GRIK2: variants seen among roughly 807,000 people sequenced by gnomAD.
GRIK2 encodes the protein glutamate receptor ionotropic, kainate 2.
GRIK2 carries 32 observed loss-of-function variants against 100.3 expected under a neutral mutation model. That is an observed-to-expected ratio of 0.32 (90% confidence interval 0.24 to 0.43). The LOEUF (loss-of-function observed/expected upper bound fraction) is 0.43. Among genes scored for constraint, GRIK2 ranks in the 20% least tolerant of loss-of-function variants. The probability of loss-of-function intolerance (pLI) is 1.00; values close to 1 mark genes in which losing one functional copy is unlikely to be tolerated. For synonymous variants in GRIK2, 417 were observed against 389.4 expected (o/e 1.07, Z -0.83); for missense variants, 843 against 1,114.9 (o/e 0.76, Z 3.47).
intron 2 of GRIK2, among the ~76,000 whole-genome samples, chr6:101,460,894 T>C (rs1481264915): frequency 2.0e-5 from 3 of 152,182 alleles, no homozygotes; most frequent in Non-Finnish European, 2.9e-5. Context: ...ATTGACTCCT[T>C]ATAATGAAAT....
intron 12 of GRIK2, among the ~76,000 whole-genome samples, chr6:101,920,173 GA>G (rs1379243162): frequency 6.6e-6 from 1 of 151,876 alleles, no homozygotes; most frequent in Non-Finnish European, 1.5e-5. Context: ...ATGGAGAAAA[GA>G]AAGATATACT....
chr6:101,821,025 T>C (rs1332526095), intron 10 of GRIK2, among the ~76,000 whole-genome samples: 1 of 152,190 alleles, frequency 6.6e-6, no homozygotes, highest in African/African-American at 2.4e-5. Context: ...GTGCCTTGGG[T>C]ATAGCAAGAG....
chr6:101,820,556 C>T (rs536502752), intron 10 of GRIK2, among the ~76,000 whole-genome samples: 1 of 152,286 alleles, frequency 6.6e-6, no homozygotes, highest in African/African-American at 2.4e-5. Context: ...AACGATTCTC[C>T]TGCCTCAGCT....
chr6:101,908,510 T>C (rs1788401892), intron 12 of GRIK2, among the ~76,000 whole-genome samples: 1 of 151,264 alleles, frequency 6.6e-6, no homozygotes, highest in African/African-American at 2.4e-5. Context: ...ATAAATATAT[T>C]TACCTATAAT....
rs1470286335 is a variant in GRIK2, at chr6:101,895,213, T to C, written c.1748+5350T>C. On this transcript the variant is annotated intron_variant, in intron 12 of 16. Coordinates refer to ENST00000369134, the MANE Select transcript of GRIK2 (RefSeq NM_021956.5). The stretch of plus-strand genomic sequence containing the variant: ...ATCAAAGAATATTCAATGTGTTACA[T>C]GCATAACATTTTTCTAAGTTAAAAG... 2.0e-5 allele frequency among the ~76,000 whole-genome samples: 3 copies of C among 151,790 alleles called. No individual in the cohort carries two copies. In the Admixed American group the frequency reaches 2.0e-4, roughly 10 times the overall value.
At chr6:102,044,215 A>ATCTT (rs1770756367) in intron 15 of GRIK2, among the ~76,000 whole-genome samples, 1 of 152,162 alleles carries the variant, frequency 6.6e-6, no homozygotes, top group South Asian at 2.1e-4. Context: ...AAGTGAACCA[A>ATCTT]TCTTTCTGAT....
chr6:101,685,949 C>T (rs575047751), intron 6 of GRIK2, among the ~76,000 whole-genome samples: 129 of 152,048 alleles, frequency 8.5e-4, no homozygotes, highest in African/African-American at 2.9e-3. Context: ...GTTTCACTGG[C>T]GGATTTAGAA....
chr6:101,806,543 T>G (rs984630631), intron 9 of GRIK2, among the ~76,000 whole-genome samples: 20 of 152,010 alleles, frequency 1.3e-4, no homozygotes, highest in African/African-American at 3.9e-4. Flanking sequence ...TCTCATTGTG[T>G]TTTGAATAAA....
chr6:101,914,367 C>T (rs1036490640), intron 12 of GRIK2, among the ~76,000 whole-genome samples: 1 of 151,334 alleles, frequency 6.6e-6, no homozygotes, highest in Non-Finnish European at 1.5e-5. Context: ...CCCCCAGTTA[C>T]ATCTATCTGT....
intron 2 of GRIK2, among the ~76,000 whole-genome samples, chr6:101,491,226 CAGTT>C (rs1773087157): frequency 6.8e-6 from 1 of 147,570 alleles, no homozygotes; most frequent in Admixed American, 6.8e-5. Context: ...AACAAGAAAT[CAGTT>C]TGTTTGTCAT....
chr6:101,587,482 T>C (rs2128305331), intron 2 of GRIK2, among the ~76,000 whole-genome samples: 1 of 152,204 alleles, frequency 6.6e-6, no homozygotes, highest in Middle Eastern at 3.4e-3. Flanking sequence ...AAATAGGATT[T>C]CCAGAAGGAG....
Position 101,399,146 on chromosome 6 carries a change from C to T in GRIK2, c.-132C>T. The T allele has an allele frequency of 1.6e-6, 1 of 617,446 alleles. No individual in the cohort carries two copies. The highest frequency in any genetic ancestry group is 3.0e-6 in the Non-Finnish European group (1 of 338,928). 38.2% of individuals were successfully genotyped at this position (617,446 alleles called of 1,614,324 possible). ...TAATGGGTTTGGGAAGCGGAGACTCCTTCCTCTCTCTATGACCATGCCGTG... is the reference window on the plus strand; with the variant it reads ...TAATGGGTTTGGGAAGCGGAGACTCTTTCCTCTCTCTATGACCATGCCGTG... On this transcript the variant is annotated 5_prime_UTR_variant, in exon 2 of 17. Coordinates refer to ENST00000369134, the MANE Select transcript of GRIK2 (RefSeq NM_021956.5).
intron 2 of GRIK2, among the ~76,000 whole-genome samples, chr6:101,588,602 A>T (rs1384668722): frequency 6.6e-6 from 1 of 151,892 alleles, no homozygotes; most frequent in East Asian, 1.9e-4. Context: ...CAATGATTGC[A>T]CCTGTGAATA....
intron 10 of GRIK2, among the ~76,000 whole-genome samples, chr6:101,821,471 A>G (rs1781944867): frequency 6.6e-6 from 1 of 152,150 alleles, no homozygotes; most frequent in Non-Finnish European, 1.5e-5. Context: ...ATGATTAAGA[A>G]CTATAGCTCA....
intron 4 of GRIK2, among the ~76,000 whole-genome samples, chr6:101,658,969 A>C (rs572023850): frequency 6.6e-6 from 1 of 152,170 alleles, no homozygotes; most frequent in Admixed American, 6.5e-5. Context: ...CTCCCATTCT[A>C]TAGGTTGCCT....
intron 2 of GRIK2, among the ~76,000 whole-genome samples, chr6:101,478,565 G>A (rs1289854064): frequency 3.5e-5 from 5 of 143,790 alleles, no homozygotes; most frequent in South Asian, 2.2e-4. Flanking sequence ...CCAAGCTGGC[G>A]TGCAGTGGCG....
At chr6:101,523,687 G>T (rs1186948352) in intron 2 of GRIK2, among the ~76,000 whole-genome samples, 1 of 147,196 alleles carries the variant, frequency 6.8e-6, no homozygotes, top group African/African-American at 2.5e-5. Flanking sequence ...CTCTTTCCTT[G>T]ACTACAAAAA....
chr6:101,721,208 T>C (rs1583021324), intron 7 of GRIK2, among the ~76,000 whole-genome samples: 1 of 146,636 alleles, frequency 6.8e-6, no homozygotes, highest in Admixed American at 6.7e-5. Context: ...GGATGTCTCT[T>C]TTCTATTCTA....
At chr6:101,942,106 A>C (rs1790992681) in intron 14 of GRIK2, among the ~76,000 whole-genome samples, 1 of 152,196 alleles carries the variant, frequency 6.6e-6, no homozygotes, top group Non-Finnish European at 1.5e-5. Context: ...GTTAAAAAAA[A>C]ACACAGATTT....
Sources: allele counts gnomAD v4.1 joint callset (sites outside exome capture counted in the v4.1 genomes callset), GRCh38; gene constraint gnomAD v4.1.1; transcripts MANE v1.5; gene names NCBI Gene and HGNC (gene_info 2026-07-23, HGNC 2026-07-21).